REEP1: variants seen among roughly 807,000 people sequenced by gnomAD.
REEP1 encodes receptor expression-enhancing protein 1.
A neutral mutation model predicts 40.3 loss-of-function variants in REEP1; 22 were observed. The observed-to-expected ratio is 0.55, with a 90% CI of 0.39 to 0.78. The LOEUF (loss-of-function observed/expected upper bound fraction) is 0.78. Ranked by LOEUF, REEP1 falls within the 30% of genes least tolerant of loss-of-function variation. The probability of loss-of-function intolerance (pLI) is 0.00; values close to 1 mark genes in which losing one functional copy is unlikely to be tolerated. For missense variants in REEP1, 280 were observed against 361.1 expected (o/e 0.78, Z 1.82); for synonymous variants, 116 against 139.2 (o/e 0.83, Z 1.17).
In REEP1 at chr2:86,236,088, C is replaced by T. The variant is rs549289400; in HGVS notation, c.418-3286G>A. Among the ~76,000 whole-genome samples, 366 of 152,074 alleles carry T rather than the reference C, an allele frequency of 2.4e-3. 1 individual carries two copies. Among genetic ancestry groups the T allele is most frequent in the African/African-American group, 8.3e-3 (344 of 41,490 alleles). On this transcript the variant is annotated intron_variant, in intron 5 of 8. Coordinates refer to ENST00000538924, the MANE Select transcript of REEP1 (RefSeq NM_001371279.1). ...AAAATTAGCCAGGCGTGGTGGTGCA[C>T]GCCTGTAATCTCAGCTACTTGGGAG...
chr2:86,330,169 G>T (rs1680700032), intron 1 of REEP1, among the ~76,000 whole-genome samples: 1 of 152,160 alleles, frequency 6.6e-6, no homozygotes, highest in African/African-American at 2.4e-5. Context: ...GATTGAAGGA[G>T]TATGTCAGGA....
intron 5 of REEP1, among the ~76,000 whole-genome samples, chr2:86,241,920 G>A (rs1252489256): frequency 1.3e-5 from 2 of 152,248 alleles, no homozygotes; most frequent in African/African-American, 4.8e-5. Context: ...CGTGGCTTGC[G>A]CAGGAAGACA....
chr2:86,235,213 C>T (rs903487803), intron 5 of REEP1, among the ~76,000 whole-genome samples: 1 of 152,190 alleles, frequency 6.6e-6, no homozygotes. Flanking sequence ...AGATACAACA[C>T]AGAAGTATCC....
chr2:86,264,326 G>C (rs1463020770), intron 2 of REEP1, among the ~76,000 whole-genome samples: 1 of 152,112 alleles, frequency 6.6e-6, no homozygotes, highest in Admixed American at 6.5e-5. Flanking sequence ...GATTCAATCA[G>C]GTCATTTTTC....
At chr2:86,255,303 T>A (rs182450761) in intron 3 of REEP1, among the ~76,000 whole-genome samples, 109 of 152,286 alleles carry the variant, frequency 7.2e-4, no homozygotes, top group Non-Finnish European at 1.3e-3. Flanking sequence ...TGAAAGCCTC[T>A]CTTTCTTGGC....
chr2:86,265,125 C>T (rs1305591324), intron 2 of REEP1, among the ~76,000 whole-genome samples: 2 of 152,080 alleles, frequency 1.3e-5, no homozygotes, highest in East Asian at 1.9e-4. Context: ...GGTAAGACTC[C>T]AAGCGAAGAA....
chr2:86,335,036 C>G (rs1680946809), intron 1 of REEP1, among the ~76,000 whole-genome samples: 1 of 152,156 alleles, frequency 6.6e-6, no homozygotes, highest in South Asian at 2.1e-4. Context: ...TATTCCTCCC[C>G]TTGATAAGAA....
intron 5 of REEP1, chr2:86,251,733 T>C: frequency 3.4e-6 from 2 of 585,810 alleles, no homozygotes; most frequent in South Asian, 3.9e-5. Context: ...TCAGGGGCTC[T>C]GGGAACCTCT....
chr2:86,232,595 G>A (rs1398397668), intron 6 of REEP1, 30 bp downstream of exon 6: 3 of 1,609,186 alleles, frequency 1.9e-6, no homozygotes, highest in East Asian at 2.2e-5. Context: ...CCCAAGGAGT[G>A]GGAAAGAGGG....
At chr2:86,229,013 T>C (rs1246285222) in intron 6 of REEP1, among the ~76,000 whole-genome samples, 2 of 152,242 alleles carry the variant, frequency 1.3e-5, no homozygotes, top group Non-Finnish European at 2.9e-5. Context: ...GCACCCTTAA[T>C]CTGTTGCTTC....
intron 3 of REEP1, among the ~76,000 whole-genome samples, chr2:86,256,526 C>T (rs1407298029): frequency 6.6e-6 from 1 of 152,036 alleles, no homozygotes; most frequent in Non-Finnish European, 1.5e-5. Flanking sequence ...CCCCATATAC[C>T]CCAGAGCCTA....
intron 1 of REEP1, among the ~76,000 whole-genome samples, chr2:86,288,259 G>T (rs1408250108): frequency 6.6e-6 from 1 of 152,124 alleles, no homozygotes; most frequent in Non-Finnish European, 1.5e-5. Flanking sequence ...CTGACCTCAG[G>T]TGATCCACCT....
intron 3 of REEP1, among the ~76,000 whole-genome samples, chr2:86,260,818 G>A (rs1042102294): frequency 4.6e-5 from 7 of 152,190 alleles, no homozygotes; most frequent in Admixed American, 1.3e-4. Flanking sequence ...GGTCTTGTGA[G>A]ATTCTAAGCA....
intron 5 of REEP1, among the ~76,000 whole-genome samples, chr2:86,244,389 T>A (rs983138128): frequency 2.0e-5 from 3 of 152,122 alleles, no homozygotes; most frequent in Admixed American, 2.0e-4. Flanking sequence ...AAATTTTTTT[T>A]AAGTAGAAAA....
intron 2 of REEP1, among the ~76,000 whole-genome samples, chr2:86,278,678 C>T (rs560272056): frequency 6.6e-6 from 1 of 152,276 alleles, no homozygotes; most frequent in Non-Finnish European, 1.5e-5. Context: ...GTTATTTGGG[C>T]CCCTATCCAG....
chr2:86,272,397 A>T (rs1181417926), intron 2 of REEP1, among the ~76,000 whole-genome samples: 2 of 152,240 alleles, frequency 1.3e-5, no homozygotes, highest in African/African-American at 4.8e-5. Flanking sequence ...ACTTCAAGGA[A>T]GTGTAAGAAA....
At chr2:86,315,966 AG>A (rs1464706964) in intron 1 of REEP1, among the ~76,000 whole-genome samples, 1 of 152,118 alleles carries the variant, frequency 6.6e-6, no homozygotes, top group African/African-American at 2.4e-5. Context: ...TCTCTGGGAG[AG>A]ATGCCTTCTT....
At chr2:86,234,850 T>G (rs975588358) in intron 5 of REEP1, among the ~76,000 whole-genome samples, 2 of 152,124 alleles carry the variant, frequency 1.3e-5, no homozygotes, top group Non-Finnish European at 2.9e-5. Flanking sequence ...CAGACACCCA[T>G]TATATAACCC....
intron 8 of REEP1, among the ~76,000 whole-genome samples, chr2:86,219,451 C>CTTTTTTT (rs11350191): frequency 5.4e-5 from 7 of 129,978 alleles, no homozygotes; most frequent in African/African-American, 2.0e-4. Flanking sequence ...TTTTTCTTTT[C>CTTTTTTT]TTTTTTTTTT....
Sources: allele counts gnomAD v4.1 joint callset (sites outside exome capture counted in the v4.1 genomes callset), GRCh38; gene constraint gnomAD v4.1.1; transcripts MANE v1.5; gene names NCBI Gene and HGNC (gene_info 2026-07-23, HGNC 2026-07-21).